Variants in FTO observed in about 807,000 individuals in gnomAD.
FTO encodes the protein FTO alpha-ketoglutarate dependent dioxygenase.
FTO carries 47 observed loss-of-function variants against 63.9 expected under a neutral mutation model. The ratio of observed to expected loss-of-function variants is 0.74; its 90% CI spans 0.58 to 0.94. FTO has a LOEUF of 0.94. Ranked by LOEUF, FTO falls within the 40% of genes least tolerant of loss-of-function variation. The pLI, the probability that FTO is intolerant of heterozygous loss-of-function variation, is 0.00. For missense variants in FTO, 562 were observed against 618.1 expected (o/e 0.91, Z 0.96); for synonymous variants, 207 against 224.4 (o/e 0.92, Z 0.69).
rs1156303717 is a variant in FTO at position 53,704,239 on chromosome 16, G to A, written c.45+10G>A. 1.9e-6 allele frequency: 3 copies of A among 1,551,246 alleles called. No homozygotes were observed. Among genetic ancestry groups the A allele is most frequent in the African/African-American group, 2.7e-5 (2 of 73,032 alleles). ...AGAGCGCGAAGCTAAGGTATGTCGG[G>A]CTCCCGGGGCCTGGAGATCTTCGTG... On this transcript the variant is annotated intron_variant, in intron 1 of 8. Coordinates refer to ENST00000471389, the MANE Select transcript of FTO (RefSeq NM_001080432.3).
At chr16:54,087,120 G>C (rs985534665) in intron 8 of FTO, among the ~76,000 whole-genome samples, 1 of 152,230 alleles carries the variant, frequency 6.6e-6, no homozygotes, top group Non-Finnish European at 1.5e-5. Flanking sequence ...GTGCCCAGCA[G>C]GGTGCAAGGA....
Position 53,942,831 on chromosome 16 carries a change from T to C in FTO, c.1364+8722T>C, listed in dbSNP as rs534886956. Among the ~76,000 whole-genome samples, 109 of 152,296 alleles carry C rather than the reference T, an allele frequency of 7.2e-4. 2 individuals are homozygous for C. The highest frequency in any genetic ancestry group is 7.1e-3 in the South Asian group (34 of 4,822). The stretch of plus-strand genomic sequence containing the variant: ...GGACCACGTCAGCTGCTATCATTCA[T>C]GCTAAAGAGACTGGCTGCTTACTCC... On this transcript the variant is annotated intron_variant, in intron 8 of 8. Coordinates refer to ENST00000471389, the MANE Select transcript of FTO (RefSeq NM_001080432.3).
At chr16:53,755,321 T>C (rs2076896349) in intron 1 of FTO, among the ~76,000 whole-genome samples, 1 of 152,136 alleles carries the variant, frequency 6.6e-6, no homozygotes, top group Non-Finnish European at 1.5e-5. Flanking sequence ...ACGGTTGACA[T>C]GACCCAGAGG....
In FTO at chr16:53,848,793, T is replaced by C. The variant is rs917324261; in HGVS notation, c.895+4495T>C. Among the ~76,000 whole-genome samples the C allele has an allele frequency of 3.1e-4, 47 of 152,118 alleles. 1 individual carries two copies. Among genetic ancestry groups the C allele is most frequent in the African/African-American group, 1.1e-3 (47 of 41,416 alleles). On this transcript the variant is annotated intron_variant, in intron 4 of 8. Coordinates refer to ENST00000471389, the MANE Select transcript of FTO (RefSeq NM_001080432.3). ...TTATGTTTATTAACCAGGAGCTGGG[T>C]GTGGAGGTGGGATGTTTCAGGACAA...
chr16:53,844,870 TA>T (rs1567352987), intron 4 of FTO, among the ~76,000 whole-genome samples: 1 of 152,030 alleles, frequency 6.6e-6, no homozygotes, highest in African/African-American at 2.4e-5. Context: ...ATTATAACTT[TA>T]AAAAATACTT....
rs531079001 is a variant in FTO, at chr16:53,740,562, A to G, written c.45+36333A>G. Among the ~76,000 whole-genome samples, 16 of 152,282 alleles carry G rather than the reference A, an allele frequency of 1.1e-4. 1 individual carries two copies. The highest frequency in any genetic ancestry group is 3.6e-4 in the African/African-American group (15 of 41,560). ...TTATTTTTTGAGGGAAAACATGCAC[A>G]TTTTACAGTAGGTTCTCCCCATCTG... is the stretch of plus-strand genomic sequence containing the variant. On this transcript the variant is annotated intron_variant, in intron 1 of 8. Coordinates refer to ENST00000471389, the MANE Select transcript of FTO (RefSeq NM_001080432.3).
At chr16:53,958,641 C>T (rs960582229) in intron 8 of FTO, among the ~76,000 whole-genome samples, 17 of 152,340 alleles carry the variant, frequency 1.1e-4, no homozygotes, top group Admixed American at 5.9e-4. Context: ...TGAGTGGAAG[C>T]AGCCTGGGAA....
At chr16:54,056,124 A>G (rs1279432266) in intron 8 of FTO, among the ~76,000 whole-genome samples, 1 of 152,224 alleles carries the variant, frequency 6.6e-6, no homozygotes, top group Non-Finnish European at 1.5e-5. Flanking sequence ...TAACAATAGC[A>G]TGCATGATAT....
rs570894066 is a variant in FTO, at chr16:53,738,630, A to G, written c.45+34401A>G. 3.3e-5 allele frequency among the ~76,000 whole-genome samples: 5 copies of G among 152,260 alleles called. No individual in the cohort carries two copies. In the South Asian group the frequency reaches 8.3e-4, roughly 25 times the overall value. ...TACCTGGAAGTGGAATTGCTGGGTC[A>G]TATGGTAAGTCTATGTTTGGCAGTT... On this transcript the variant is annotated intron_variant, in intron 1 of 8. Transcript: ENST00000471389.
At chr16:53,916,623 T>C (rs1486539295) in intron 7 of FTO, among the ~76,000 whole-genome samples, 2 of 152,214 alleles carry the variant, frequency 1.3e-5, no homozygotes, top group Non-Finnish European at 2.9e-5. Context: ...GATGGAATGA[T>C]GGCCTCTTTT....
At chr16:53,838,868 G>A (rs2079383508) in intron 3 of FTO, among the ~76,000 whole-genome samples, 2 of 152,004 alleles carry the variant, frequency 1.3e-5, no homozygotes, top group Non-Finnish European at 2.9e-5. Context: ...CTATTTAAAT[G>A]TATGGTGATG....
intron 8 of FTO, among the ~76,000 whole-genome samples, chr16:54,038,757 C>G (rs1195903303): frequency 6.6e-6 from 1 of 152,230 alleles, no homozygotes; most frequent in Non-Finnish European, 1.5e-5. Flanking sequence ...CCTGTACCCT[C>G]TTCGCCTTCT....
intron 3 of FTO, among the ~76,000 whole-genome samples, chr16:53,828,308 C>T (rs2079062411): frequency 6.6e-6 from 1 of 152,174 alleles, no homozygotes; most frequent in Non-Finnish European, 1.5e-5. Context: ...CAAGCTCCGC[C>T]TCCCAGGTTC....
chr16:53,820,995 CTG>C (rs1451017261), intron 2 of FTO, among the ~76,000 whole-genome samples: 1 of 152,028 alleles, frequency 6.6e-6, no homozygotes, highest in Non-Finnish European at 1.5e-5. Context: ...TCTTTTTATG[CTG>C]TTTTTTATGT....
chr16:53,930,735 C>G (rs774663030), intron 7 of FTO, among the ~76,000 whole-genome samples: 3 of 152,038 alleles, frequency 2.0e-5, no homozygotes, highest in Non-Finnish European at 4.4e-5. Context: ...GCTAGAATAA[C>G]TGAAGTTTAG....
intron 8 of FTO, among the ~76,000 whole-genome samples, chr16:54,095,240 C>G (rs2086490483): frequency 1.3e-5 from 2 of 152,274 alleles, no homozygotes; most frequent in South Asian, 4.1e-4. Context: ...GAGTCTCACT[C>G]TGTTGCCCAG....
chr16:53,836,686 C>T (rs1442481517), intron 3 of FTO, among the ~76,000 whole-genome samples: 3 of 152,204 alleles, frequency 2.0e-5, no homozygotes, highest in African/African-American at 7.2e-5. Context: ...CTCACTTCAT[C>T]CTAAGAACTG....
Position 53,760,260 on chromosome 16 carries a change from GTT to G in FTO, c.46-49875_46-49874del, listed in dbSNP as rs140444926. Among the ~76,000 whole-genome samples the G allele has an allele frequency of 3.5e-4, 49 of 140,730 alleles. 2 individuals are homozygous for G. The highest frequency in any genetic ancestry group is 2.0e-3 in the East Asian group (9 of 4,614). The allele number at this position is 140,730 out of a possible 152,430, so 92.3% of individuals were successfully genotyped here. Reference sequence around the variant, plus strand: ...TGTGTGTGTGTGTGTGTGTGTGTGTGTTTTTTGGAGACAGGGTCTCACTTTGT... The same window carrying G: ...TGTGTGTGTGTGTGTGTGTGTGTGTGTTTTGGAGACAGGGTCTCACTTTGT... On this transcript the variant is annotated intron_variant, in intron 1 of 8. Transcript: ENST00000471389.
Position 53,879,990 on chromosome 16 carries a change from A to G in FTO, c.1119+3A>G. The G allele has an allele frequency of 6.2e-7, 1 of 1,610,966 alleles. No homozygotes were observed. Among genetic ancestry groups the G allele is most frequent in the Non-Finnish European group, 8.5e-7 (1 of 1,177,992 alleles). ...AAGGAGAAGAAATTCATAATGAGGTAAGGACTTTCTTTTTTTTTTTTTGAG... is the reference window on the plus strand; with the variant it reads ...AAGGAGAAGAAATTCATAATGAGGTGAGGACTTTCTTTTTTTTTTTTTGAG... On this transcript the variant is annotated splice_donor_region_variant and intron_variant, in intron 6 of 8. Transcript: ENST00000471389.
Sources: gnomAD v4.1 joint callset for allele counts (sites outside exome capture counted in the v4.1 genomes callset) on GRCh38, gnomAD v4.1.1 for gene constraint, MANE v1.5 for transcripts, NCBI Gene and HGNC (gene_info 2026-07-23, HGNC 2026-07-21) for gene names.